TOR1AIP2: variants seen among roughly 807,000 people sequenced by gnomAD.
The protein encoded by TOR1AIP2 is torsin 1A interacting protein 2.
In TOR1AIP2, 20 loss-of-function variants were observed where a neutral mutation model predicts 32.6. The observed-to-expected ratio is 0.61, with a 90% CI of 0.43 to 0.89. The LOEUF is 0.89. TOR1AIP2 is among the 40% of genes least tolerant of loss of function. The pLI, the probability that TOR1AIP2 is intolerant of heterozygous loss-of-function variation, is 0.00. For synonymous variants in TOR1AIP2, 214 were observed against 210.8 expected (o/e 1.02, Z -0.13); for missense variants, 456 against 553.8 (o/e 0.82, Z 1.77).
chr1:179,873,652 A>C (rs1697091500), intron 2 of TOR1AIP2: 1 of 152,214 alleles, frequency 6.6e-6, no homozygotes, highest in South Asian at 2.1e-4. Flanking sequence ...AACAACTACT[A>C]TGGTACTGTT....
rs1052460 is a variant in TOR1AIP2, at chr1:179,859,373, T to C, written c.-147+6063A>G. ...ACGTTACCCAAGAACACGTGACTACTGAGGGCAGTTAGGATTTGAACTCAG... is the reference window on the plus strand; with the variant it reads ...ACGTTACCCAAGAACACGTGACTACCGAGGGCAGTTAGGATTTGAACTCAG... On this transcript the variant is annotated intron_variant, in intron 3 of 6. Transcript: ENST00000609928. The C allele has an allele frequency of 7.5e-3, 7,337 of 976,244 alleles. 410 individuals are homozygous for C. In the African/African-American group the frequency reaches 0.11, roughly 15 times the overall value. 60.5% of individuals were successfully genotyped at this position (976,244 alleles called of 1,614,324 possible). A position where few individuals can be genotyped will look rare whatever the true frequency, so the allele number is the denominator to read the frequency against.
At chr1:179,853,737 G>A (rs1338559956) in intron 3 of TOR1AIP2, among the ~76,000 whole-genome samples, 2 of 152,122 alleles carry the variant, frequency 1.3e-5, no homozygotes, top group East Asian at 1.9e-4. Flanking sequence ...ATGCCTACAC[G>A]GTGCCTAGTG....
chr1:179,860,979 T>C, intron 3 of TOR1AIP2: 1 of 985,494 alleles, frequency 1.0e-6, no homozygotes, highest in Non-Finnish European at 1.2e-6. Flanking sequence ...GAGATGAATC[T>C]TACCTCACTC....
chr1:179,850,968 T>C lies in TOR1AIP2; in HGVS notation c.430A>G (p.Ser144Gly). ...TCCTGAGATGCTCCAGTTCCGTCAC[T>C]CGCTTCCTTAGGGAGGGCCACAGAG... ...SSSVALPKEA[S>G]DGTGASQEPP... Residue 144 changes from serine to glycine, a missense_variant, in exon 5 of 7, where the codon AGT becomes GGT. Coordinates refer to ENST00000609928, the MANE Select transcript of TOR1AIP2 (RefSeq NM_001199260.2). 6.2e-7 allele frequency: 1 copy of C among 1,614,198 alleles called. No homozygotes were observed. Among genetic ancestry groups the C allele is most frequent in the South Asian group, 1.1e-5 (1 of 91,084 alleles).
In TOR1AIP2 at chr1:179,846,812, G is replaced by A. The variant is rs1461455914; in HGVS notation, c.672C>T (p.Val224=). 16 of 1,599,986 alleles carry A rather than the reference G, an allele frequency of 1.0e-5. No individual in the cohort carries two copies. Among genetic ancestry groups the A allele is most frequent in the African/African-American group, 2.7e-5 (2 of 74,526 alleles). ...GFWSYGPVIL[V]VLVVAVVASS... ...TTGCCACAACAGCCACAACCAGGAC[G>A]ACAAGAATCACAGGGCCTGTCAAAA... The change falls in exon 7 of 7, where the codon GTC becomes GTT. Residue 224 remains valine, a synonymous_variant. Transcript: ENST00000609928.
rs758295893 is a variant in TOR1AIP2, at chr1:179,851,132, T to C, written c.266A>G (p.Glu89Gly). The C allele has an allele frequency of 1.2e-6, 2 of 1,614,196 alleles. No individual in the cohort carries two copies. The highest frequency in any genetic ancestry group is 2.7e-5 in the African/African-American group (2 of 75,030). ...GCCATCCAGAAAACTCTGCTTGTTC[T>C]CATCTTCTGTTTTATCCTTTGGATG... ...GKHPKDKTEDENKQSFLDGGK... is the reference protein window; with the variant it reads ...GKHPKDKTEDGNKQSFLDGGK... Residue 89 changes from glutamate to glycine, a missense_variant, in exon 5 of 7, where the codon GAG (glutamate) becomes GGG (glycine). By Grantham distance (98) the Glu-to-Gly change is moderately conservative. Transcript: ENST00000609928.
intron 3 of TOR1AIP2, among the ~76,000 whole-genome samples, chr1:179,856,383 T>A (rs1167907800): frequency 6.6e-6 from 1 of 152,172 alleles, no homozygotes; most frequent in African/African-American, 2.4e-5. Context: ...CACAGATATT[T>A]CTATTATCTT....
In TOR1AIP2 at chr1:179,844,730, C is replaced by T. The variant is rs1243802558; in HGVS notation, c.*1341G>A. 6.6e-6 allele frequency: 1 copy of T among 152,158 alleles called. No homozygotes were observed. The highest frequency in any genetic ancestry group is 1.5e-5 in the Non-Finnish European group (1 of 68,024). The allele number at this position is 152,158 out of a possible 1,614,324, so 9.4% of individuals were successfully genotyped here. A position where few individuals can be genotyped will look rare whatever the true frequency, so the allele number is the denominator to read the frequency against. ...CTCTTAGATTTCTCTAATTTTTAAC[C>T]TAATGGTACTTCTATAACTAGTTGG... is the stretch of plus-strand genomic sequence containing the variant. On this transcript the variant is annotated 3_prime_UTR_variant, in exon 7 of 7. Transcript: ENST00000609928.
chr1:179,850,720 G>T, intron 5 of TOR1AIP2, 125 bp downstream of exon 5: 1 of 1,203,000 alleles, frequency 8.3e-7, no homozygotes. Context: ...CTTGGGCAAG[G>T]CCCAAAGGCC....
intron 5 of TOR1AIP2, 74 bp downstream of exon 5, chr1:179,850,771 G>T (rs373910438): frequency 6.6e-7 from 1 of 1,504,544 alleles, no homozygotes; most frequent in South Asian, 1.3e-5. Flanking sequence ...TGGAAAGAAG[G>T]CCTCTGACTT....
chr1:179,856,187 A>T (rs1272195956), intron 3 of TOR1AIP2, among the ~76,000 whole-genome samples: 1 of 152,190 alleles, frequency 6.6e-6, no homozygotes, highest in African/African-American at 2.4e-5. Flanking sequence ...AAAGAAAAAA[A>T]AATGTTTAAT....
In TOR1AIP2 at chr1:179,870,919, A is replaced by G. The variant is rs1190078167; in HGVS notation, c.-565-5065T>C. Among the ~76,000 whole-genome samples the G allele has an allele frequency of 2.6e-5, 4 of 152,270 alleles. No individual in the cohort carries two copies. The East Asian group carries it at 7.7e-4, about 29-fold the overall frequency. On this transcript the variant is annotated intron_variant, in intron 2 of 6. Coordinates refer to ENST00000609928, the MANE Select transcript of TOR1AIP2 (RefSeq NM_001199260.2). ...TACCATTACTTTATGATTGTTAAACATAATTGTTTCACTTATTTGAGGAGC... is the reference window on the plus strand; with the variant it reads ...TACCATTACTTTATGATTGTTAAACGTAATTGTTTCACTTATTTGAGGAGC...
chr1:179,853,995 G>A (rs1696207539), intron 3 of TOR1AIP2, among the ~76,000 whole-genome samples: 1 of 152,058 alleles, frequency 6.6e-6, no homozygotes, highest in African/African-American at 2.4e-5. Flanking sequence ...TCCTATCCTA[G>A]CTCATGACAG....
At chr1:179,870,050 C>T (rs1397444896) in intron 2 of TOR1AIP2, among the ~76,000 whole-genome samples, 1 of 152,024 alleles carries the variant, frequency 6.6e-6, no homozygotes, top group Non-Finnish European at 1.5e-5. Context: ...ACTTCCACAC[C>T]AAAAAATACA....
chr1:179,873,429 C>T (rs182255335), intron 2 of TOR1AIP2, among the ~76,000 whole-genome samples: 1 of 152,300 alleles, frequency 6.6e-6, no homozygotes, highest in Admixed American at 6.5e-5. Flanking sequence ...GAATAACAAA[C>T]GTCACAGAAA....
At chr1:179,861,936 G>C in intron 3 of TOR1AIP2, 1 of 973,870 alleles carries the variant, frequency 1.0e-6, no homozygotes, top group Non-Finnish European at 1.2e-6. Flanking sequence ...CTGGGCTCAA[G>C]TGATCCTGCT....
chr1:179,858,295 T>C (rs1014951648), intron 3 of TOR1AIP2, among the ~76,000 whole-genome samples: 7 of 152,034 alleles, frequency 4.6e-5, no homozygotes, highest in Admixed American at 3.3e-4. Flanking sequence ...CAGAGAATAA[T>C]GTACAGCATT....
At chr1:179,857,622 G>C (rs1571673534) in intron 3 of TOR1AIP2, among the ~76,000 whole-genome samples, 1 of 152,170 alleles carries the variant, frequency 6.6e-6, no homozygotes, top group Non-Finnish European at 1.5e-5. Flanking sequence ...GTGACATTGT[G>C]TGGTATACCA....
At position 179,840,686 on chromosome 1, in the gene TOR1AIP2, T is replaced by C. The variant is rs565219575; in HGVS notation, c.*5385A>G. ...GCATGTTCTCACTCATAGGTGGGAA[T>C]TGAACAAAGAAAACACTTGGACACA... On this transcript the variant is annotated 3_prime_UTR_variant, in exon 7 of 7. Transcript: ENST00000609928. 2.0e-5 allele frequency: 3 copies of C among 148,570 alleles called. No individual in the cohort carries two copies. The highest frequency in any genetic ancestry group is 5.0e-5 in the African/African-American group (2 of 39,800). The allele number at this position is 148,570 out of a possible 1,614,324, so 9.2% of individuals were successfully genotyped here.
Sources: gnomAD v4.1 joint callset for allele counts (sites outside exome capture counted in the v4.1 genomes callset) on GRCh38, gnomAD v4.1.1 for gene constraint, MANE v1.5 for transcripts, NCBI Gene and HGNC (gene_info 2026-07-23, HGNC 2026-07-21) for gene names.